Variants in DCC observed in about 807,000 individuals in gnomAD.
The protein encoded by DCC is DCC netrin 1 receptor.
Under a neutral mutation model 172.5 loss-of-function variants are expected in DCC, and 58 were observed. The observed-to-expected ratio is 0.34, with a 90% CI of 0.27 to 0.42. The LOEUF (loss-of-function observed/expected upper bound fraction) is 0.42. Among genes scored for constraint, DCC ranks in the 10% least tolerant of loss-of-function variants. The pLI, the probability that DCC is intolerant of heterozygous loss-of-function variation, is 1.00. For synonymous variants in DCC, 709 were observed against 644.5 expected (o/e 1.10, Z -1.52); for missense variants, 1,740 against 1,791.0 (o/e 0.97, Z 0.51).
intron 2 of DCC, among the ~76,000 whole-genome samples, chr18:52,830,384 T>G (rs924772765): frequency 6.6e-6 from 1 of 152,168 alleles, no homozygotes; most frequent in Non-Finnish European, 1.5e-5. Flanking sequence ...GCCAAAAGAT[T>G]GGATATCCCT....
Position 52,373,211 on chromosome 18 carries a change from T to A in DCC, c.91+32333T>A, listed in dbSNP as rs147925684. On this transcript the variant is annotated intron_variant, in intron 1 of 28. Coordinates refer to ENST00000442544, the MANE Select transcript of DCC (RefSeq NM_005215.4). The stretch of plus-strand genomic sequence containing the variant: ...TGAGGCAAACTAATGGCCATACAGT[T>A]TTTTTTCCAAAAAATGTGCATCTTT... 4.0e-3 allele frequency among the ~76,000 whole-genome samples: 614 copies of A among 152,188 alleles called. 6 individuals are homozygous for A. The Middle Eastern group carries it at 0.058, about 14-fold the overall frequency.
At chr18:52,418,858 C>CTTTTTTTTTTTTTTTTTTTT (rs11313758) in intron 1 of DCC, among the ~76,000 whole-genome samples, 1 of 93,018 alleles carries the variant, frequency 1.1e-5, no homozygotes, top group Non-Finnish European at 2.0e-5. Context: ...TTCTTTCTTT[C>CTTTTTTTTTTTTTTTTTTTT]TTTTTTTTTT....
chr18:52,780,494 ATTTACT>A (rs2037518660), intron 2 of DCC, among the ~76,000 whole-genome samples: 1 of 152,172 alleles, frequency 6.6e-6, no homozygotes, highest in Non-Finnish European at 1.5e-5. Context: ...AGGCATTCAC[ATTTACT>A]TAATCTAAGT....
chr18:52,566,238 C>T (rs1004912244), intron 1 of DCC, among the ~76,000 whole-genome samples: 6 of 152,042 alleles, frequency 3.9e-5, no homozygotes, highest in African/African-American at 1.4e-4. Flanking sequence ...AACTGGAAAC[C>T]ATAATTCTCA....
At chr18:53,329,961 A>T (rs1314798303) in intron 14 of DCC, among the ~76,000 whole-genome samples, 1 of 152,244 alleles carries the variant, frequency 6.6e-6, no homozygotes, top group Non-Finnish European at 1.5e-5. Context: ...GCTGCAGATT[A>T]GTTACTAAAT....
chr18:53,472,795 G>A (rs2045713899), intron 25 of DCC, among the ~76,000 whole-genome samples: 1 of 152,032 alleles, frequency 6.6e-6, no homozygotes, highest in Admixed American at 6.6e-5. Flanking sequence ...GTTAAACATG[G>A]CATCCCACCC....
intron 12 of DCC, among the ~76,000 whole-genome samples, chr18:53,294,971 T>C (rs1310379727): frequency 1.3e-5 from 2 of 152,184 alleles, no homozygotes; most frequent in Admixed American, 6.5e-5. Context: ...TTAAATAAAA[T>C]CACAACAGCT....
At chr18:53,404,511 T>C (rs1972047) in intron 19 of DCC, among the ~76,000 whole-genome samples, 64,328 of 151,560 alleles carry the variant, frequency 0.42, 15,424 homozygotes, top group Non-Finnish European at 0.55. Context: ...GCAGGCAGAT[T>C]ACGAGGTCAG....
intron 5 of DCC, among the ~76,000 whole-genome samples, chr18:53,027,805 G>A (rs1049381283): frequency 6.6e-6 from 1 of 151,160 alleles, no homozygotes; most frequent in African/African-American, 2.4e-5. Context: ...GTATAGTTTT[G>A]ACGCACGTCA....
chr18:52,923,947 C>T, intron 4 of DCC, 90 bp downstream of exon 4: 2 of 923,000 alleles, frequency 2.2e-6, no homozygotes, highest in Middle Eastern at 2.2e-4. Flanking sequence ...TAAGTACCTA[C>T]AGTACTAGGG....
chr18:53,072,001 G>A (rs946223359), intron 7 of DCC, among the ~76,000 whole-genome samples: 1 of 152,080 alleles, frequency 6.6e-6, no homozygotes, highest in African/African-American at 2.4e-5. Context: ...GGTGACACAT[G>A]CCTGTAATCC....
At chr18:53,485,384 G>A (rs2045888953) in intron 25 of DCC, among the ~76,000 whole-genome samples, 2 of 151,986 alleles carry the variant, frequency 1.3e-5, no homozygotes, top group Non-Finnish European at 1.5e-5. Flanking sequence ...ATTTTTTACT[G>A]AAAAATAAAG....
intron 1 of DCC, among the ~76,000 whole-genome samples, chr18:52,581,993 A>G (rs866768471): frequency 6.6e-6 from 1 of 152,196 alleles, no homozygotes; most frequent in African/African-American, 2.4e-5. Flanking sequence ...TCATTCCATT[A>G]TCTTCTACCG....
chr18:52,867,730 C>T (rs950622169), intron 2 of DCC, among the ~76,000 whole-genome samples: 4 of 152,048 alleles, frequency 2.6e-5, no homozygotes, highest in African/African-American at 9.7e-5. Context: ...GTGGTGATAT[C>T]TTGACTATCA....
chr18:53,222,288 C>A (rs922032436), intron 12 of DCC, among the ~76,000 whole-genome samples: 2 of 151,870 alleles, frequency 1.3e-5, no homozygotes, highest in Non-Finnish European at 2.9e-5. Context: ...CAAAGCATAT[C>A]TTTGTATTAC....
chr18:52,351,755 A>G (rs1984131701), intron 1 of DCC, among the ~76,000 whole-genome samples: 3 of 152,194 alleles, frequency 2.0e-5, no homozygotes, highest in Admixed American at 6.5e-5. Context: ...GAGTTTTTAT[A>G]GATTATTTTC....
At chr18:52,852,878 C>T (rs1042259234) in intron 2 of DCC, among the ~76,000 whole-genome samples, 6 of 151,922 alleles carry the variant, frequency 3.9e-5, no homozygotes, top group Admixed American at 3.3e-4. Context: ...TTTGGTCTAC[C>T]CAGCTGCAGT....
chr18:53,394,213 A>G (rs1230481654), intron 17 of DCC, among the ~76,000 whole-genome samples: 3 of 152,208 alleles, frequency 2.0e-5, no homozygotes, highest in Non-Finnish European at 4.4e-5. Flanking sequence ...TAACCTGCTC[A>G]GTCTCATTTT....
At chr18:52,826,770 C>T (rs1850463768) in intron 2 of DCC, among the ~76,000 whole-genome samples, 1 of 152,186 alleles carries the variant, frequency 6.6e-6, no homozygotes, top group Admixed American at 6.5e-5. Context: ...TGAGCCACCA[C>T]ACCCAGCCAA....
Sources: gnomAD v4.1 joint callset for allele counts (sites outside exome capture counted in the v4.1 genomes callset) on GRCh38, gnomAD v4.1.1 for gene constraint, MANE v1.5 for transcripts, NCBI Gene and HGNC (gene_info 2026-07-23, HGNC 2026-07-21) for gene names.